Variants in GATAD2A observed in about 807,000 individuals in gnomAD.
GATAD2A encodes the protein GATA zinc finger domain containing 2A.
A neutral mutation model predicts 68.5 loss-of-function variants in GATAD2A; 12 were observed. The observed-to-expected ratio is 0.18, with a 90% CI of 0.11 to 0.28. GATAD2A has a LOEUF of 0.28. Among genes scored for constraint, GATAD2A ranks in the 10% least tolerant of loss-of-function variants. The probability of loss-of-function intolerance (pLI) is 1.00; values close to 1 mark genes in which losing one functional copy is unlikely to be tolerated. For missense variants in GATAD2A, 755 were observed against 868.5 expected (o/e 0.87, Z 1.64); for synonymous variants, 410 against 375.3 (o/e 1.09, Z -1.07).
chr19:19,392,456 G>C (rs1271460688), intron 1 of GATAD2A, among the ~76,000 whole-genome samples: 1 of 149,560 alleles, frequency 6.7e-6, no homozygotes, highest in African/African-American at 2.5e-5. Context: ...GCAGTGGTGC[G>C]ATCTTGGCTC....
At chr19:19,490,362 C>T (rs1257843664) in intron 2 of GATAD2A, among the ~76,000 whole-genome samples, 1 of 152,098 alleles carries the variant, frequency 6.6e-6, no homozygotes, top group Non-Finnish European at 1.5e-5. Flanking sequence ...TCCCTGAGGA[C>T]GCAGCTCATG....
At chr19:19,455,907 T>C (rs185598006) in intron 1 of GATAD2A, among the ~76,000 whole-genome samples, 106 of 152,246 alleles carry the variant, frequency 7.0e-4, no homozygotes, top group African/African-American at 2.5e-3. Flanking sequence ...TCCCAGCACT[T>C]TGGGAGGCTG....
At chr19:19,453,049 A>C (rs1180268779) in intron 1 of GATAD2A, among the ~76,000 whole-genome samples, 2 of 152,158 alleles carry the variant, frequency 1.3e-5, no homozygotes. Context: ...GCATCCCTGT[A>C]GCCCCCATTC....
At chr19:19,422,013 G>A (rs1401515302) in intron 1 of GATAD2A, among the ~76,000 whole-genome samples, 1 of 152,030 alleles carries the variant, frequency 6.6e-6, no homozygotes, top group Non-Finnish European at 1.5e-5. Context: ...GTAAAGACTA[G>A]GGTTTCACCA....
At chr19:19,439,674 C>T (rs1335847571) in intron 1 of GATAD2A, among the ~76,000 whole-genome samples, 1 of 152,026 alleles carries the variant, frequency 6.6e-6, no homozygotes, top group Non-Finnish European at 1.5e-5. Context: ...ATGGTGAAAC[C>T]CCATCTTTAC....
At chr19:19,475,490 C>CCG (rs1555713836) in intron 2 of GATAD2A, among the ~76,000 whole-genome samples, 2 of 151,438 alleles carry the variant, frequency 1.3e-5, no homozygotes, top group African/African-American at 4.9e-5. Context: ...GAGCCCCCCC[C>CCG]CCTCCACTGC....
intron 2 of GATAD2A, among the ~76,000 whole-genome samples, chr19:19,490,994 T>C (rs115540824): frequency 6.6e-6 from 1 of 152,338 alleles, no homozygotes; most frequent in African/African-American, 2.4e-5. Flanking sequence ...CTTTGGGACT[T>C]GCGTTGGGTC....
At chr19:19,480,806 TTGGGTTG>T (rs2148242809) in intron 2 of GATAD2A, among the ~76,000 whole-genome samples, 2 of 152,222 alleles carry the variant, frequency 1.3e-5, no homozygotes, top group Non-Finnish European at 2.9e-5. Context: ...GCAGGTCTGA[TTGGGTTG>T]TGGGTGTACC....
At chr19:19,418,717 GT>G (rs778442927) in intron 1 of GATAD2A, among the ~76,000 whole-genome samples, 9 of 152,178 alleles carry the variant, frequency 5.9e-5, no homozygotes, top group Admixed American at 2.0e-4. Context: ...GTTTTAGGAA[GT>G]TTCCTTGTTT....
intron 1 of GATAD2A, among the ~76,000 whole-genome samples, chr19:19,426,445 A>G (rs2147346410): frequency 6.6e-6 from 1 of 152,286 alleles, no homozygotes; most frequent in East Asian, 1.9e-4. Context: ...AGACTTGTCC[A>G]TCTATGACAT....
intron 11 of GATAD2A, among the ~76,000 whole-genome samples, chr19:19,504,775 A>C (rs1170312565): frequency 6.6e-6 from 1 of 150,930 alleles, no homozygotes; most frequent in Non-Finnish European, 1.5e-5. Context: ...CAGCCTCTGG[A>C]GTAACTGGGA....
chr19:19,426,431 C>T (rs372443161), intron 1 of GATAD2A, among the ~76,000 whole-genome samples: 2 of 152,150 alleles, frequency 1.3e-5, no homozygotes, highest in East Asian at 1.9e-4. Flanking sequence ...GGGATCAGGC[C>T]GGCAGACTTG....
intron 1 of GATAD2A, among the ~76,000 whole-genome samples, chr19:19,409,725 AGT>A (rs1010529091): frequency 1.5e-4 from 18 of 116,684 alleles, no homozygotes; most frequent in Admixed American, 8.5e-5. Flanking sequence ...AGGTGGAAAT[AGT>A]GAGACCCGTA....
chr19:19,441,521 C>T (rs1412571546), intron 1 of GATAD2A, among the ~76,000 whole-genome samples: 1 of 151,922 alleles, frequency 6.6e-6, no homozygotes, highest in East Asian at 1.9e-4. Context: ...ACAACAGATG[C>T]ACCACCATGT....
intron 1 of GATAD2A, among the ~76,000 whole-genome samples, chr19:19,416,234 A>G (rs778608699): frequency 6.6e-6 from 1 of 152,242 alleles, no homozygotes; most frequent in Non-Finnish European, 1.5e-5. Context: ...CAGGTCCTGC[A>G]CTGGGCTCCA....
At chr19:19,466,191 C>T (rs1301753416) in intron 2 of GATAD2A, among the ~76,000 whole-genome samples, 1 of 152,246 alleles carries the variant, frequency 6.6e-6, no homozygotes. Context: ...TCATATTCAC[C>T]TTTTATGAGT....
chr19:19,444,730 G>C (rs2055504179), intron 1 of GATAD2A, among the ~76,000 whole-genome samples: 1 of 152,052 alleles, frequency 6.6e-6, no homozygotes, highest in Non-Finnish European at 1.5e-5. Context: ...AATTAGCCAG[G>C]TGTGGTGGTG....
intron 1 of GATAD2A, among the ~76,000 whole-genome samples, chr19:19,416,908 T>C (rs943759104): frequency 6.6e-6 from 1 of 152,010 alleles, no homozygotes; most frequent in East Asian, 1.9e-4. Context: ...ATTACAGGCA[T>C]GCACCACCAT....
intron 10 of GATAD2A, 92 bp from the exon 11 acceptor site, chr19:19,502,239 G>A (rs923865865): frequency 1.5e-5 from 16 of 1,097,598 alleles, no homozygotes; most frequent in East Asian, 2.4e-5. Flanking sequence ...GGTGGGAAGA[G>A]GTCAGCCAGA....
Sources: gnomAD v4.1 joint callset for allele counts (sites outside exome capture counted in the v4.1 genomes callset) on GRCh38, gnomAD v4.1.1 for gene constraint, MANE v1.5 for transcripts, NCBI Gene and HGNC (gene_info 2026-07-23, HGNC 2026-07-21) for gene names.